KCNQ3: variants seen among roughly 807,000 people sequenced by gnomAD.
KCNQ3 encodes potassium voltage-gated channel subfamily KQT member 3.
KCNQ3 carries 30 observed loss-of-function variants against 92.5 expected under a neutral mutation model. The observed-to-expected ratio is 0.32, with a 90% CI of 0.24 to 0.44. The LOEUF is 0.44. Ranked by LOEUF, KCNQ3 falls within the 20% of genes least tolerant of loss-of-function variation. KCNQ3 has a pLI of 1.00. For synonymous variants in KCNQ3, 450 were observed against 468.8 expected (o/e 0.96, Z 0.52); for missense variants, 913 against 1,140.3 (o/e 0.80, Z 2.87).
rs563366275 is a variant in KCNQ3, at chr8:132,480,392, G to T, written c.141C>A (p.Pro47=). 1 of 1,553,140 alleles carries T rather than the reference G, an allele frequency of 6.4e-7. No individual in the cohort carries two copies. The highest frequency in any genetic ancestry group is 8.6e-7 in the Non-Finnish European group (1 of 1,158,440). The change falls in exon 1 of 15, where the codon CCC becomes CCA. Residue 47 remains proline, a synonymous_variant. Coordinates refer to ENST00000388996, the MANE Select transcript of KCNQ3 (RefSeq NM_004519.4). The part of the protein sequence containing the change: ...GDEERKVGLA[P]GDVEQVTLAL... ...CCAAGGTGACTTGCTCCACGTCGCC[G>T]GGCGCCAGCCCCACTTTCCGCTCCT...
chr8:132,257,200 A>G (rs1815618154), intron 1 of KCNQ3, among the ~76,000 whole-genome samples: 1 of 152,140 alleles, frequency 6.6e-6, no homozygotes. Flanking sequence ...TGATAAATTA[A>G]AAGAATTAAT....
chr8:132,189,100 G>A (rs1397645925), intron 1 of KCNQ3, among the ~76,000 whole-genome samples: 1 of 152,148 alleles, frequency 6.6e-6, no homozygotes, highest in Admixed American at 6.5e-5. Flanking sequence ...ATCCAGGCTG[G>A]TCGTAGGAAT....
intron 1 of KCNQ3, among the ~76,000 whole-genome samples, chr8:132,217,710 C>CAAAAAAAAA (rs1170925572): frequency 2.9e-4 from 19 of 66,344 alleles, no homozygotes; most frequent in East Asian, 4.5e-4. Context: ...GGCTCTGTCT[C>CAAAAAAAAA]AAAAAAAAAA....
intron 4 of KCNQ3, among the ~76,000 whole-genome samples, chr8:132,179,780 CCCACTGCATGTGG>C (rs1826691435): frequency 1.3e-5 from 2 of 152,120 alleles, no homozygotes; most frequent in African/African-American, 4.8e-5. Context: ...GCCTTCTTCT[CCCACTGCATGTGG>C]CCTTGAATGA....
chr8:132,273,600 C>T lies in KCNQ3; in HGVS notation c.387-87419G>A, dbSNP rs182948782. ...TGCTTATGCACATTTCTATAGTGGG[C>T]CTGAATTTCTCCTCAGAAAATGGGA... On this transcript the variant is annotated intron_variant, in intron 1 of 14. Transcript: ENST00000388996. 4.7e-4 allele frequency among the ~76,000 whole-genome samples: 72 copies of T among 152,272 alleles called. No individual in the cohort carries two copies. In the East Asian group the frequency reaches 0.013, roughly 28 times the overall value.
At chr8:132,426,269 G>A (rs985772612) in intron 1 of KCNQ3, among the ~76,000 whole-genome samples, 8 of 152,152 alleles carry the variant, frequency 5.3e-5, no homozygotes, top group African/African-American at 1.2e-4. Context: ...TCCCTCCTCC[G>A]CTCCCATGGA....
At chr8:132,230,483 A>AGAG (rs1563815531) in intron 1 of KCNQ3, among the ~76,000 whole-genome samples, 91 of 142,464 alleles carry the variant, frequency 6.4e-4, no homozygotes, top group African/African-American at 2.4e-3. Context: ...GAGAGAGAGA[A>AGAG]AATCCTTTAA....
At chr8:132,466,903 A>G (rs904780652) in intron 1 of KCNQ3, among the ~76,000 whole-genome samples, 2 of 152,160 alleles carry the variant, frequency 1.3e-5, no homozygotes, top group African/African-American at 4.8e-5. Flanking sequence ...CAAAGGGGAG[A>G]TATTGAAAAC....
chr8:132,236,576 ATC>A (rs1466348599), intron 1 of KCNQ3, among the ~76,000 whole-genome samples: 3 of 152,140 alleles, frequency 2.0e-5, no homozygotes, highest in African/African-American at 7.2e-5. Context: ...CACCTAAGTT[ATC>A]TCTTTATAAA....
chr8:132,356,655 T>C (rs1819026637), intron 1 of KCNQ3, among the ~76,000 whole-genome samples: 1 of 152,232 alleles, frequency 6.6e-6, no homozygotes, highest in Non-Finnish European at 1.5e-5. Flanking sequence ...AGACCCCATC[T>C]AACTGTTGTG....
At chr8:132,198,235 G>T (rs1199792293) in intron 1 of KCNQ3, among the ~76,000 whole-genome samples, 3 of 152,164 alleles carry the variant, frequency 2.0e-5, no homozygotes, top group Non-Finnish European at 4.4e-5. Context: ...TCCTTCCTCA[G>T]TTGAGCCTTT....
intron 1 of KCNQ3, among the ~76,000 whole-genome samples, chr8:132,201,709 C>G (rs1366519412): frequency 6.6e-6 from 1 of 152,132 alleles, no homozygotes; most frequent in African/African-American, 2.4e-5. Context: ...GCCCCTATGT[C>G]TTTGCTGCAC....
intron 1 of KCNQ3, among the ~76,000 whole-genome samples, chr8:132,232,610 A>G (rs1044764492): frequency 6.6e-6 from 1 of 152,262 alleles, no homozygotes; most frequent in African/African-American, 2.4e-5. Flanking sequence ...GCACTTGGTC[A>G]ACATGGCTGT....
At chr8:132,189,471 C>T (rs1416728085) in intron 1 of KCNQ3, among the ~76,000 whole-genome samples, 7 of 152,116 alleles carry the variant, frequency 4.6e-5, no homozygotes, top group African/African-American at 9.7e-5. Context: ...TTTATTGATC[C>T]GATTGAGGTA....
chr8:132,283,074 ATCTCTC>A lies in KCNQ3; in HGVS notation c.387-96899_387-96894del, dbSNP rs57257623. 4.9e-5 allele frequency among the ~76,000 whole-genome samples: 7 copies of A among 143,430 alleles called. No homozygotes were observed. In the South Asian group the frequency reaches 1.5e-3, roughly 31 times the overall value. 94.1% of individuals were successfully genotyped at this position (143,430 alleles called of 152,430 possible). On this transcript the variant is annotated intron_variant, in intron 1 of 14. Coordinates refer to ENST00000388996, the MANE Select transcript of KCNQ3 (RefSeq NM_004519.4). Reference sequence around the variant, plus strand: ...GGAATGAGGCAGAAAGGAGATGAGGATCTCTCTCTCTCTCTCTCGTGTGTGTGTGTG... The same window carrying A: ...GGAATGAGGCAGAAAGGAGATGAGGATCTCTCTCTCTCGTGTGTGTGTGTG...
chr8:132,410,945 A>G (rs543100107), intron 1 of KCNQ3, among the ~76,000 whole-genome samples: 3 of 152,278 alleles, frequency 2.0e-5, no homozygotes, highest in African/African-American at 2.4e-5. Context: ...CACACAAAGC[A>G]CCTGGGCATC....
chr8:132,185,943 A>T (rs1264368115), intron 2 of KCNQ3, 148 bp downstream of exon 2: 2 of 701,528 alleles, frequency 2.9e-6, no homozygotes, highest in Non-Finnish European at 5.2e-6. Context: ...ATACCAAGTA[A>T]TGGAGGCTTT....
intron 1 of KCNQ3, among the ~76,000 whole-genome samples, chr8:132,247,678 A>C (rs551163072): frequency 7.4e-4 from 112 of 151,808 alleles, no homozygotes; most frequent in Non-Finnish European, 1.1e-3. Flanking sequence ...GGAGCCTGTA[A>C]TCCCAGCTAC....
chr8:132,200,164 ATATGTT>A (rs1363109785), intron 1 of KCNQ3, among the ~76,000 whole-genome samples: 3 of 152,178 alleles, frequency 2.0e-5, no homozygotes, highest in African/African-American at 7.2e-5. Flanking sequence ...AGATCCATAT[ATATGTT>A]TATATCTATA....
Sources: allele counts gnomAD v4.1 joint callset (sites outside exome capture counted in the v4.1 genomes callset), GRCh38; gene constraint gnomAD v4.1.1; transcripts MANE v1.5; gene names NCBI Gene and HGNC (gene_info 2026-07-23, HGNC 2026-07-21).